Variants in SUPT3H observed in about 807,000 individuals in gnomAD.
SUPT3H encodes the protein transcription initiation protein SPT3 homolog.
A neutral mutation model predicts 44.3 loss-of-function variants in SUPT3H; 44 were observed. That is an observed-to-expected ratio of 0.99 (90% confidence interval 0.78 to 1.28). The LOEUF (loss-of-function observed/expected upper bound fraction) is 1.28, where lower values mean the gene tolerates loss of function less well. SUPT3H is among the 50% of genes most tolerant of loss of function. SUPT3H has a pLI of 0.00. For synonymous variants in SUPT3H, 124 were observed against 125.6 expected (o/e 0.99, Z 0.09); for missense variants, 380 against 387.1 (o/e 0.98, Z 0.15).
chr6:44,980,306 G>A (rs1778919424), intron 6 of SUPT3H, among the ~76,000 whole-genome samples: 1 of 150,620 alleles, frequency 6.6e-6, no homozygotes, highest in Non-Finnish European at 1.5e-5. Flanking sequence ...ATAAGTTCTC[G>A]GAAACTGAAA....
chr6:45,053,679 A>T (rs1790661125), intron 3 of SUPT3H, among the ~76,000 whole-genome samples: 1 of 146,058 alleles, frequency 6.8e-6, no homozygotes. Flanking sequence ...CAGGCGGATC[A>T]CCAGGTCAGG....
chr6:44,887,432 T>G (rs1449139453), intron 10 of SUPT3H, among the ~76,000 whole-genome samples: 1 of 152,158 alleles, frequency 6.6e-6, no homozygotes, highest in African/African-American at 2.4e-5. Flanking sequence ...CAGACCACAG[T>G]GCAATCAAAC....
At chr6:44,907,880 A>T (rs1343762159) in intron 10 of SUPT3H, among the ~76,000 whole-genome samples, 2 of 152,112 alleles carry the variant, frequency 1.3e-5, no homozygotes, top group East Asian at 1.9e-4. Flanking sequence ...CCTCAATGTT[A>T]AGTTAAAGAA....
At chr6:44,877,777 T>C (rs3799979) in intron 10 of SUPT3H, among the ~76,000 whole-genome samples, 51,048 of 152,018 alleles carry the variant, frequency 0.34, 9,541 homozygotes, top group Admixed American at 0.42. Flanking sequence ...GGTTTATCAT[T>C]GTTTTCATAG....
At chr6:45,317,749 G>C (rs1179502745) in intron 2 of SUPT3H, among the ~76,000 whole-genome samples, 2 of 152,096 alleles carry the variant, frequency 1.3e-5, no homozygotes, top group African/African-American at 4.8e-5. Flanking sequence ...GAAGAAAACA[G>C]AGGGGAAAAG....
At chr6:45,110,746 C>T (rs1204902108) in intron 2 of SUPT3H, among the ~76,000 whole-genome samples, 3 of 152,080 alleles carry the variant, frequency 2.0e-5, no homozygotes, top group African/African-American at 7.2e-5. Context: ...AAATCTTTTG[C>T]TAACCTCTGG....
chr6:45,261,086 A>C (rs1353964804), intron 2 of SUPT3H, among the ~76,000 whole-genome samples: 1 of 152,082 alleles, frequency 6.6e-6, no homozygotes, highest in Non-Finnish European at 1.5e-5. Context: ...ATCAAAACCA[A>C]TCAAAATTTG....
At chr6:45,284,033 C>T (rs192708577) in intron 2 of SUPT3H, among the ~76,000 whole-genome samples, 29 of 152,236 alleles carry the variant, frequency 1.9e-4, no homozygotes, top group African/African-American at 6.7e-4. Flanking sequence ...TAAAGATGTT[C>T]TTTGAAACCA....
intron 3 of SUPT3H, chr6:45,099,102 C>T: frequency 2.8e-6 from 1 of 356,404 alleles, no homozygotes; most frequent in Non-Finnish European, 5.6e-6. Context: ...TGCCCAGCCA[C>T]CAGCCCCTAG....
At chr6:44,863,015 A>T (rs1426569983) in intron 10 of SUPT3H, among the ~76,000 whole-genome samples, 1 of 152,196 alleles carries the variant, frequency 6.6e-6, no homozygotes, top group Non-Finnish European at 1.5e-5. Context: ...GCTTGTTAGG[A>T]AGCAAGAGAG....
intron 2 of SUPT3H, among the ~76,000 whole-genome samples, chr6:45,305,879 G>T (rs1157866638): frequency 6.6e-6 from 1 of 152,128 alleles, no homozygotes; most frequent in Non-Finnish European, 1.5e-5. Context: ...CATATTCCCT[G>T]GGCTAAAAGC....
chr6:45,134,455 C>G (rs1803965056), intron 2 of SUPT3H, among the ~76,000 whole-genome samples: 2 of 152,302 alleles, frequency 1.3e-5, no homozygotes, highest in South Asian at 4.1e-4. Context: ...AAAACACATT[C>G]ATTCCATCCC....
At chr6:45,046,231 C>T (rs1789376831) in intron 3 of SUPT3H, among the ~76,000 whole-genome samples, 1 of 152,180 alleles carries the variant, frequency 6.6e-6, no homozygotes, top group African/African-American at 2.4e-5. Context: ...AGAAATTCAA[C>T]TCAACATATG....
At chr6:45,126,389 G>C (rs1802431938) in intron 2 of SUPT3H, among the ~76,000 whole-genome samples, 1 of 152,112 alleles carries the variant, frequency 6.6e-6, no homozygotes, top group Non-Finnish European at 1.5e-5. Flanking sequence ...GACTCCTTTA[G>C]AACTGAAAAA....
intron 10 of SUPT3H, among the ~76,000 whole-genome samples, chr6:44,831,552 C>T (rs967029573): frequency 6.6e-6 from 1 of 152,182 alleles, no homozygotes; most frequent in African/African-American, 2.4e-5. Flanking sequence ...CAAAGTAATA[C>T]TCTTAGCTTC....
intron 10 of SUPT3H, among the ~76,000 whole-genome samples, chr6:44,858,981 T>G (rs1351589291): frequency 6.6e-6 from 1 of 152,218 alleles, no homozygotes; most frequent in Non-Finnish European, 1.5e-5. Context: ...TTGAAAATGA[T>G]TTAAATTTGC....
Position 45,176,958 on chromosome 6 carries a change from A to G in SUPT3H, c.102-70952T>C, listed in dbSNP as rs557250221. Among the ~76,000 whole-genome samples the G allele has an allele frequency of 3.9e-5, 6 of 152,328 alleles. No individual in the cohort carries two copies. In the South Asian group the frequency reaches 1.0e-3, roughly 26 times the overall value. ...AAAGACCAAAAGTACATAAAACCAC[A>G]AAGATGGGGAAAAAACAGAGCAGAA... On this transcript the variant is annotated intron_variant, in intron 2 of 10. Transcript: ENST00000371459.
chr6:45,249,526 T>C (rs1412117439), intron 2 of SUPT3H, among the ~76,000 whole-genome samples: 1 of 150,334 alleles, frequency 6.7e-6, no homozygotes, highest in African/African-American at 2.4e-5. Context: ...GCACACCCGA[T>C]GAAATAGAAA....
Position 45,167,226 on chromosome 6 carries a change from C to T in SUPT3H, c.102-61220G>A, listed in dbSNP as rs992560221. Among the ~76,000 whole-genome samples, 19 of 152,264 alleles carry T rather than the reference C, an allele frequency of 1.2e-4. No homozygotes were observed. In the East Asian group the frequency reaches 3.5e-3, roughly 28 times the overall value. ...CTAGCCAAAGTCATTGGTTTCCTCT[C>T]ACTTTAACCTAATGCATGGCAAGAA... On this transcript the variant is annotated intron_variant, in intron 2 of 10. Coordinates refer to ENST00000371459, the MANE Select transcript of SUPT3H (RefSeq NM_003599.4).
Sources: gnomAD v4.1 joint callset for allele counts (sites outside exome capture counted in the v4.1 genomes callset) on GRCh38, gnomAD v4.1.1 for gene constraint, MANE v1.5 for transcripts, NCBI Gene and HGNC (gene_info 2026-07-23, HGNC 2026-07-21) for gene names.